The following DRD2 variants were observed in gnomAD, a reference collection of about 807,000 sequenced individuals.
The protein encoded by DRD2 is D(2) dopamine receptor.
Under a neutral mutation model 38.0 loss-of-function variants are expected in DRD2, and 8 were observed. That is an observed-to-expected ratio of 0.21 (90% confidence interval 0.12 to 0.38). DRD2 has a LOEUF of 0.38. Among genes scored for constraint, DRD2 ranks in the 10% least tolerant of loss-of-function variants. DRD2 has a pLI of 1.00. For synonymous variants in DRD2, 230 were observed against 238.6 expected (o/e 0.96, Z 0.33); for missense variants, 403 against 607.7 (o/e 0.66, Z 3.54).
chr11:113,437,590 G>A (rs968137989), intron 1 of DRD2, among the ~76,000 whole-genome samples: 2 of 152,198 alleles, frequency 1.3e-5, no homozygotes, highest in African/African-American at 2.4e-5. Flanking sequence ...CACTCTTAGT[G>A]TCTCCAGGAC....
In DRD2 at chr11:113,431,139, C is replaced by G. The variant is rs1950983123; in HGVS notation, c.-31-6457G>C. ...ACTCCAAATCACAATCCCCAGTCAA[C>G]AAGAACTTAGTGAGCACCAAATACA... On this transcript the variant is annotated intron_variant, in intron 1 of 7. Transcript: ENST00000362072. Among the ~76,000 whole-genome samples, 3 of 152,326 alleles carry G rather than the reference C, an allele frequency of 2.0e-5. No homozygotes were observed. The South Asian group carries it at 6.2e-4, about 32-fold the overall frequency.
intron 1 of DRD2, among the ~76,000 whole-genome samples, chr11:113,441,948 CAA>C (rs779962309): frequency 4.8e-4 from 46 of 94,942 alleles, no homozygotes; most frequent in Admixed American, 5.8e-4. Context: ...ACTCTGTCTC[CAA>C]AAAAAAAAAA....
intron 1 of DRD2, among the ~76,000 whole-genome samples, chr11:113,434,912 T>C (rs983814330): frequency 6.6e-6 from 1 of 152,094 alleles, no homozygotes; most frequent in Admixed American, 6.5e-5. Context: ...GCACGCACAG[T>C]TCCTTGCCCA....
chr11:113,472,352 C>A (rs1331285022), intron 1 of DRD2, among the ~76,000 whole-genome samples: 3 of 152,176 alleles, frequency 2.0e-5, no homozygotes, highest in African/African-American at 7.2e-5. Context: ...CCAGACCAGT[C>A]CGGCTTCAGC....
At chr11:113,425,438 G>C (rs1411735556) in intron 1 of DRD2, among the ~76,000 whole-genome samples, 1 of 152,194 alleles carries the variant, frequency 6.6e-6, no homozygotes, top group Non-Finnish European at 1.5e-5. Context: ...TGATGCAGAG[G>C]GACCTGGCAA....
chr11:113,417,947 A>T, intron 3 of DRD2, 80 bp downstream of exon 3: 1 of 1,167,492 alleles, frequency 8.6e-7, no homozygotes, highest in Non-Finnish European at 1.3e-6. Flanking sequence ...GACACGAGAC[A>T]CAGCCTGGCT....
In DRD2 at chr11:113,438,226, A is replaced by T. The variant is rs545830387; in HGVS notation, c.-31-13544T>A. On this transcript the variant is annotated intron_variant, in intron 1 of 7. Transcript: ENST00000362072. The stretch of plus-strand genomic sequence containing the variant: ...TTTTAATCAGACAGACAACAGCTAG[A>T]TCTGGGTTCCAGTCCCACTTGGTAG... Among the ~76,000 whole-genome samples the T allele has an allele frequency of 5.6e-4, 85 of 152,132 alleles. 2 individuals are homozygous for T. The South Asian group carries it at 9.6e-3, about 17-fold the overall frequency.
chr11:113,412,416 G>T, intron 7 of DRD2, 140 bp downstream of exon 7: 1 of 1,018,872 alleles, frequency 9.8e-7, no homozygotes, highest in Non-Finnish European at 1.5e-6. Flanking sequence ...ACCTAATAGG[G>T]CTGTCTGTAT....
intron 1 of DRD2, among the ~76,000 whole-genome samples, chr11:113,427,485 T>C (rs1187719799): frequency 1.3e-5 from 2 of 152,096 alleles, no homozygotes; most frequent in East Asian, 1.9e-4. Context: ...AGTTACAACA[T>C]GTCTTGCTCA....
intron 1 of DRD2, among the ~76,000 whole-genome samples, chr11:113,474,847 G>A (rs925633637): frequency 2.6e-5 from 4 of 152,074 alleles, no homozygotes; most frequent in African/African-American, 9.7e-5. Context: ...TAAGTGGCGA[G>A]GAGGCTACTG....
chr11:113,452,469 T>TGTGTGTGTGTGTGTGCGC (rs1210531875), intron 1 of DRD2, among the ~76,000 whole-genome samples: 9 of 118,782 alleles, frequency 7.6e-5, no homozygotes, highest in African/African-American at 2.5e-4. Context: ...TGTGTGTGTG[T>TGTGTGTGTGTGTGTGCGC]GCGCGCGCGC....
chr11:113,447,309 C>T (rs1049338211), intron 1 of DRD2, among the ~76,000 whole-genome samples: 1 of 152,150 alleles, frequency 6.6e-6, no homozygotes, highest in African/African-American at 2.4e-5. Flanking sequence ...ATCCTCTCCC[C>T]GCTCCTGTGC....
chr11:113,462,688 C>T (rs775144224), intron 1 of DRD2, among the ~76,000 whole-genome samples: 1 of 152,202 alleles, frequency 6.6e-6, no homozygotes, highest in Non-Finnish European at 1.5e-5. Flanking sequence ...CTCCCACCTT[C>T]CCTCTCCCTC....
Position 113,438,528 on chromosome 11 carries a change from C to A in DRD2, c.-31-13846G>T, listed in dbSNP as rs936859338. 2.6e-5 allele frequency among the ~76,000 whole-genome samples: 4 copies of A among 152,268 alleles called. No individual in the cohort carries two copies. In the East Asian group the frequency reaches 5.8e-4, roughly 22 times the overall value. On this transcript the variant is annotated intron_variant, in intron 1 of 7. Transcript: ENST00000362072. ...AAAGAAACTCCCCATTTCTCTGTGA[C>A]CCCCAATTTTCTGCATGCTTCAGAG...
chr11:113,454,437 T>C (rs988844266), intron 1 of DRD2, among the ~76,000 whole-genome samples: 3 of 152,040 alleles, frequency 2.0e-5, no homozygotes, highest in African/African-American at 7.2e-5. Context: ...GTCACACAGA[T>C]CATAGAAGGC....
At chr11:113,424,185 A>G (rs1390561731) in intron 2 of DRD2, among the ~76,000 whole-genome samples, 182 bp downstream of exon 2, 1 of 152,160 alleles carries the variant, frequency 6.6e-6, no homozygotes, top group Non-Finnish European at 1.5e-5. Context: ...GGTAGTTGGG[A>G]TTATTAAGGA....
chr11:113,424,423 C>A lies in DRD2; in HGVS notation c.229G>T (p.Ala77Ser), dbSNP rs753530257. ...TTTNYLIVSL[A>S]VADLLVATLV... is the part of the protein sequence containing the mutation. ...GTGGCGACGAGGAGGTCGGCCACTG[C>A]GAGGCTGACGATCAGGTAGTTGGTG... The change falls in exon 2 of 8, where the codon GCA becomes TCA. Residue 77 changes from alanine to serine, a missense_variant. Transcript: ENST00000362072. 1.9e-6 allele frequency: 3 copies of A among 1,614,072 alleles called. No homozygotes were observed. Among genetic ancestry groups the A allele is most frequent in the Admixed American group, 1.7e-5 (1 of 60,004 alleles).
At position 113,424,479 on chromosome 11, in the gene DRD2, G is replaced by A; in HGVS notation, c.173C>T (p.Ala58Val). 2 of 1,614,278 alleles carry A rather than the reference G, an allele frequency of 1.2e-6. No individual in the cohort carries two copies. Among genetic ancestry groups the A allele is most frequent in the Non-Finnish European group, 1.7e-6 (2 of 1,180,050 alleles). The stretch of plus-strand genomic sequence containing the variant: ...CTGCAGCGCCTTCTCGCGGGACACA[G>A]CCATGCACACCAGCACGTTGCCGAA... Reference protein sequence around the residue: ...IVFGNVLVCMAVSREKALQTT... With the variant: ...IVFGNVLVCMVVSREKALQTT... The change falls in exon 2 of 8, where the codon GCT becomes GTT. Residue 58 changes from alanine (A) to valine (V), a missense_variant. By Grantham distance (64) the Ala-to-Val change is moderately conservative. Coordinates refer to ENST00000362072, the MANE Select transcript of DRD2 (RefSeq NM_000795.4).
At chr11:113,474,796 C>A (rs1951464240) in intron 1 of DRD2, among the ~76,000 whole-genome samples, 1 of 151,788 alleles carries the variant, frequency 6.6e-6, no homozygotes, top group Admixed American at 6.6e-5. Flanking sequence ...GGGAGGCTGC[C>A]CCAGCTGCGC....
Sources: allele counts gnomAD v4.1 joint callset (sites outside exome capture counted in the v4.1 genomes callset), GRCh38; gene constraint gnomAD v4.1.1; transcripts MANE v1.5; gene names NCBI Gene and HGNC (gene_info 2026-07-23, HGNC 2026-07-21).